The following OCIAD1 variants were observed in gnomAD, a reference collection of about 807,000 sequenced individuals.
OCIAD1 encodes OCIA domain containing 1, also known as OCIA domain-containing protein 1.
Under a neutral mutation model 38.9 loss-of-function variants are expected in OCIAD1, and 29 were observed. The observed-to-expected ratio is 0.74, with a 90% CI of 0.55 to 1.02. The LOEUF is 1.02. Among genes scored for constraint, OCIAD1 ranks in the 50% least tolerant of loss-of-function variants. The pLI, the probability that OCIAD1 is intolerant of heterozygous loss-of-function variation, is 0.00. For missense variants in OCIAD1, 288 were observed against 289.6 expected, an observed-to-expected ratio of 0.99 and a Z score of 0.04; for synonymous variants, 110 against 92.0, an observed-to-expected ratio of 1.20 and a Z score of -1.12.
At chr4:48,838,070 C>G (rs758225469) in intron 3 of OCIAD1, among the ~76,000 whole-genome samples, 2 of 152,130 alleles carry the variant, frequency 1.3e-5, no homozygotes, top group Non-Finnish European at 2.9e-5. Context: ...GTAATCCCAG[C>G]ACTTTGGGAG....
At chr4:48,850,787 C>G (rs763633173) in intron 6 of OCIAD1, among the ~76,000 whole-genome samples, 7 of 152,144 alleles carry the variant, frequency 4.6e-5, no homozygotes, top group Non-Finnish European at 1.0e-4. Context: ...GTTTACCAGG[C>G]TGGTCTCAAA....
intron 1 of OCIAD1, among the ~76,000 whole-genome samples, chr4:48,832,055 G>A (rs1315865177): frequency 6.6e-6 from 1 of 152,186 alleles, no homozygotes; most frequent in Non-Finnish European, 1.5e-5. Flanking sequence ...GGGGTGGAAG[G>A]AAATTTGGAG....
chr4:48,848,401 A>G lies in OCIAD1; in HGVS notation c.196A>G (p.Ile66Val). 2 of 1,466,254 alleles carry G rather than the reference A, an allele frequency of 1.4e-6. No individual in the cohort carries two copies. The highest frequency in any genetic ancestry group is 1.9e-6 in the Non-Finnish European group (2 of 1,051,210). 90.8% of individuals were successfully genotyped at this position (1,466,254 alleles called of 1,614,324 possible). A position where few individuals can be genotyped will look rare whatever the true frequency, so the allele number is the denominator to read the frequency against. The change falls in exon 5 of 9, where the codon ATA (isoleucine) becomes GTA (valine). Residue 66 changes from isoleucine (I) to valine (V), a missense_variant and splice_region_variant. By Grantham distance (29) the Ile-to-Val change is conservative (BLOSUM62 3). Coordinates refer to ENST00000264312, the MANE Select transcript of OCIAD1 (RefSeq NM_017830.4). ...LITQGLISKG[I>V]LSSHPKYGSI... ...AAATACTTAACTCTTTTCTTTAGGA[A>G]TACTTTCAAGTCATCCCAAATATGG...
At chr4:48,829,019 G>A (rs1459394292), upstream of OCIAD1, among the ~76,000 whole-genome samples, 1 of 152,086 alleles carries the variant, frequency 6.6e-6, no homozygotes, top group Admixed American at 6.6e-5. Flanking sequence ...CCAGCACTTC[G>A]GGAGGCCAAA....
chr4:48,817,083 G>A (rs1432050065), intron 1 of OCIAD1, among the ~76,000 whole-genome samples: 1 of 152,192 alleles, frequency 6.6e-6, no homozygotes, highest in Non-Finnish European at 1.5e-5. Context: ...TTCCAGCTGA[G>A]GCACCCAGTT....
chr4:48,838,317 CAAA>C (rs577293228), intron 3 of OCIAD1, among the ~76,000 whole-genome samples: 5 of 82,020 alleles, frequency 6.1e-5, no homozygotes, highest in African/African-American at 9.3e-5. Flanking sequence ...GACTCCATCT[CAAA>C]AAAAAAAAAA....
chr4:48,822,653 A>G (rs116579483), intron 1 of OCIAD1, among the ~76,000 whole-genome samples: 2,957 of 152,318 alleles, frequency 0.019, 52 homozygotes, highest in Non-Finnish European at 0.03. Flanking sequence ...CTTCCAACAA[A>G]GGTCTAATAC....
intron 3 of OCIAD1, 84 bp downstream of exon 3, chr4:48,833,565 T>C: frequency 1.2e-6 from 1 of 820,132 alleles, no homozygotes; most frequent in Non-Finnish European, 2.0e-6. Flanking sequence ...GAAATTATAA[T>C]AACTCCGTAT....
At chr4:48,805,821 G>A (rs1272144844) in intron 1 of OCIAD1, among the ~76,000 whole-genome samples, 1 of 151,798 alleles carries the variant, frequency 6.6e-6, no homozygotes. Context: ...GTATTTTAGG[G>A]GTATATGAAT....
intron 1 of OCIAD1, among the ~76,000 whole-genome samples, chr4:48,807,249 G>A (rs1777037516): frequency 6.6e-6 from 1 of 151,716 alleles, no homozygotes; most frequent in South Asian, 2.1e-4. Context: ...CTCAGGAGCA[G>A]TTCAGGTTTA....
intron 1 of OCIAD1, among the ~76,000 whole-genome samples, chr4:48,824,466 G>A (rs1284154202): frequency 6.6e-6 from 1 of 151,888 alleles, no homozygotes; most frequent in Non-Finnish European, 1.5e-5. Context: ...CTGCAACCCT[G>A]AACTCCTGGT....
At chr4:48,842,908 G>T (rs1251066177) in intron 4 of OCIAD1, among the ~76,000 whole-genome samples, 1 of 152,118 alleles carries the variant, frequency 6.6e-6, no homozygotes, top group Non-Finnish European at 1.5e-5. Flanking sequence ...TTAACAATCT[G>T]CAAGAGCAAG....
At chr4:48,848,958 T>C (rs1452390902) in intron 5 of OCIAD1, among the ~76,000 whole-genome samples, 3 of 152,118 alleles carry the variant, frequency 2.0e-5, no homozygotes, top group East Asian at 1.9e-4. Context: ...TGGAATACTA[T>C]GCAGCCATAA....
chr4:48,845,245 T>A (rs530218802), intron 4 of OCIAD1, among the ~76,000 whole-genome samples: 30 of 152,346 alleles, frequency 2.0e-4, no homozygotes, highest in African/African-American at 6.7e-4. Context: ...AGCCCTTCAC[T>A]TTTTACTTCG....
intron 7 of OCIAD1, 53 bp from the exon 8 acceptor site, chr4:48,857,160 T>C: frequency 8.4e-7 from 1 of 1,187,672 alleles, no homozygotes; most frequent in Non-Finnish European, 1.1e-6. Flanking sequence ...TTTAGTTGCT[T>C]TAGAGTTATA....
At chr4:48,824,782 C>T (rs906458836) in intron 1 of OCIAD1, among the ~76,000 whole-genome samples, 1 of 152,148 alleles carries the variant, frequency 6.6e-6, no homozygotes, top group Non-Finnish European at 1.5e-5. Context: ...GTTGTTCAGG[C>T]TGGAGTGCAG....
intron 6 of OCIAD1, among the ~76,000 whole-genome samples, chr4:48,850,326 C>G (rs1223876550): frequency 6.6e-6 from 1 of 152,120 alleles, no homozygotes; most frequent in Non-Finnish European, 1.5e-5. Context: ...TGGCATGATC[C>G]TAGCTCACTG....
At chr4:48,849,766 C>A (rs545564885) in intron 5 of OCIAD1, among the ~76,000 whole-genome samples, 181 bp from the exon 6 acceptor site, 7 of 152,258 alleles carry the variant, frequency 4.6e-5, no homozygotes, top group African/African-American at 1.2e-4. Flanking sequence ...TCCATAGACT[C>A]TGTATATGAA....
intron 1 of OCIAD1, among the ~76,000 whole-genome samples, chr4:48,806,550 T>A (rs1777026564): frequency 6.6e-6 from 1 of 152,240 alleles, no homozygotes; most frequent in Non-Finnish European, 1.5e-5. Context: ...TTGATTTGGC[T>A]CATCACACTG....
Sources: gnomAD v4.1 joint callset for allele counts (sites outside exome capture counted in the v4.1 genomes callset) on GRCh38, gnomAD v4.1.1 for gene constraint, MANE v1.5 for transcripts, NCBI Gene and HGNC (gene_info 2026-07-23, HGNC 2026-07-21) for gene names.